SCN9A: variants seen among roughly 807,000 people sequenced by gnomAD.
SCN9A encodes the protein sodium voltage-gated channel alpha subunit 9.
In SCN9A, 131 loss-of-function variants were observed where a neutral mutation model predicts 187.0. The observed-to-expected ratio is 0.70, with a 90% CI of 0.61 to 0.81. SCN9A has a LOEUF of 0.81. Among genes scored for constraint, SCN9A ranks in the 30% least tolerant of loss-of-function variants. The pLI is 0.00. For synonymous variants in SCN9A, 809 were observed against 808.6 expected (o/e 1.00, Z -0.01); for missense variants, 2,252 against 2,396.6 (o/e 0.94, Z 1.26).
intron 24 of SCN9A, among the ~76,000 whole-genome samples, chr2:166,222,156 A>G (rs1694615154): frequency 6.6e-6 from 1 of 152,210 alleles, no homozygotes; most frequent in Non-Finnish European, 1.5e-5. Flanking sequence ...AAAAGGAAGC[A>G]TTCAAGAGGG....
intron 17 of SCN9A, among the ~76,000 whole-genome samples, chr2:166,257,301 G>A (rs548515204): frequency 8.6e-5 from 13 of 151,468 alleles, no homozygotes; most frequent in African/African-American, 2.7e-4. Context: ...GTGTAGATAC[G>A]CAGACTCAAG....
At chr2:166,306,743 G>A in intron 3 of SCN9A, 144 bp from the exon 4 acceptor site, 1 of 700,976 alleles carries the variant, frequency 1.4e-6, no homozygotes, top group Non-Finnish European at 2.5e-6. Flanking sequence ...GAACAAGAGA[G>A]TAATAAATAA....
chr2:166,228,247 C>CT (rs33924683), intron 22 of SCN9A, among the ~76,000 whole-genome samples: 7,370 of 85,954 alleles, frequency 0.086, 1,558 homozygotes, highest in East Asian at 0.22. Context: ...AAGACCAACA[C>CT]TTTTTTTTTT....
intron 9 of SCN9A, among the ~76,000 whole-genome samples, chr2:166,289,109 ACTTTTTTTTTCG>A (rs893500123): frequency 4.6e-5 from 7 of 151,646 alleles, no homozygotes; most frequent in Non-Finnish European, 8.8e-5. Flanking sequence ...TTTTCAATTA[ACTTTTTTTTTCG>A]CTTTCTTTGC....
intron 1 of SCN9A, among the ~76,000 whole-genome samples, chr2:166,326,838 T>C (rs879805318): frequency 6.6e-6 from 1 of 152,178 alleles, no homozygotes; most frequent in Non-Finnish European, 1.5e-5. Flanking sequence ...TATTAATCAC[T>C]AGTGTTTGGA....
intron 17 of SCN9A, among the ~76,000 whole-genome samples, chr2:166,265,093 T>G (rs1181958126): frequency 6.6e-6 from 1 of 151,956 alleles, no homozygotes; most frequent in Non-Finnish European, 1.5e-5. Context: ...TCTAGCTATT[T>G]TGAAATATAC....
intron 24 of SCN9A, among the ~76,000 whole-genome samples, chr2:166,210,955 G>C (rs1314669317): frequency 1.3e-5 from 2 of 152,072 alleles, no homozygotes; most frequent in East Asian, 3.9e-4. Flanking sequence ...CAGCTACTCG[G>C]GAGGCTGAGG....
intron 20 of SCN9A, 38 bp from the exon 21 acceptor site, chr2:166,233,500 A>G: frequency 2.0e-6 from 3 of 1,506,730 alleles, no homozygotes; most frequent in East Asian, 2.4e-5. Flanking sequence ...TGTCAATAAA[A>G]TGATGAAGCA....
chr2:166,255,962 G>A (rs561099973), intron 17 of SCN9A, among the ~76,000 whole-genome samples: 12 of 151,330 alleles, frequency 7.9e-5, no homozygotes, highest in Non-Finnish European at 1.5e-4. Flanking sequence ...CTATAATTGT[G>A]TTCTTGAATC....
intron 24 of SCN9A, among the ~76,000 whole-genome samples, chr2:166,222,954 A>AAAAAAAAAAAAAAAAAAC (rs1694674573): frequency 8.1e-6 from 1 of 122,864 alleles, no homozygotes; most frequent in Non-Finnish European, 1.8e-5. Flanking sequence ...ACAAAAAAAA[A>AAAAAAAAAAAAAAAAAAC]AAAAAAAAAA....
chr2:166,337,972 A>G (rs1047539626), intron 1 of SCN9A, among the ~76,000 whole-genome samples: 1 of 152,126 alleles, frequency 6.6e-6, no homozygotes, highest in African/African-American at 2.4e-5. Flanking sequence ...ATGCTTCAAA[A>G]TGTACACAGC....
chr2:166,204,701 G>A (rs1693714148), intron 24 of SCN9A: 1 of 252,644 alleles, frequency 4.0e-6, no homozygotes, highest in Non-Finnish European at 7.4e-6. Context: ...AATAAGGATT[G>A]GCTCAATATT....
chr2:166,277,145 C>A lies in SCN9A; in HGVS notation c.2712G>T (p.Thr904=). ...ECVCKINDDC[T]LPRWHMNDFF... is the part of the protein sequence containing the mutation. ...AGTCGTTCATGTGCCACCGTGGGAG[C>A]GTACAGTCATCATTGATCTTGCAGA... is the stretch of plus-strand genomic sequence containing the variant. Residue 904 remains threonine, a synonymous_variant, in exon 16 of 27, where the codon ACG becomes ACT. Coordinates refer to ENST00000642356, the MANE Select transcript of SCN9A (RefSeq NM_001365536.1). 6.2e-7 allele frequency: 1 copy of A among 1,613,878 alleles called. No individual in the cohort carries two copies.
intron 24 of SCN9A, among the ~76,000 whole-genome samples, chr2:166,226,101 C>A (rs971639750): frequency 8.5e-5 from 13 of 152,196 alleles, no homozygotes; most frequent in African/African-American, 3.1e-4. Flanking sequence ...TCTTAATTTT[C>A]ATTACCTGTG....
chr2:166,281,881 T>TA, intron 12 of SCN9A, 73 bp from the exon 13 acceptor site: 1 of 1,395,920 alleles, frequency 7.2e-7, no homozygotes, highest in Admixed American at 2.1e-5. Context: ...AAATCTTGCT[T>TA]ATATAGCTGT....
chr2:166,221,535 G>A (rs1433923174), intron 24 of SCN9A, among the ~76,000 whole-genome samples: 1 of 152,080 alleles, frequency 6.6e-6, no homozygotes, highest in Non-Finnish European at 1.5e-5. Flanking sequence ...TAAGTAGCTA[G>A]GACTATAGGT....
intron 24 of SCN9A, among the ~76,000 whole-genome samples, chr2:166,224,169 G>A (rs1227276983): frequency 1.3e-5 from 2 of 152,046 alleles, no homozygotes; most frequent in South Asian, 2.1e-4. Context: ...TTCTAGACAC[G>A]CTTAATTTAT....
chr2:166,307,930 A>T (rs1468985862), intron 2 of SCN9A, among the ~76,000 whole-genome samples: 1 of 152,214 alleles, frequency 6.6e-6, no homozygotes, highest in African/African-American at 2.4e-5. Context: ...GCTGAAAGAC[A>T]CTGACTTTCT....
chr2:166,317,513 T>C (rs550065962), intron 1 of SCN9A, among the ~76,000 whole-genome samples: 61 of 152,354 alleles, frequency 4.0e-4, no homozygotes, highest in African/African-American at 1.4e-3. Flanking sequence ...TGTGTTATTC[T>C]TGTATCTAAG....
Sources: gnomAD v4.1 joint callset for allele counts (sites outside exome capture counted in the v4.1 genomes callset) on GRCh38, gnomAD v4.1.1 for gene constraint, MANE v1.5 for transcripts, NCBI Gene and HGNC (gene_info 2026-07-23, HGNC 2026-07-21) for gene names.